Variants in BCKDHB observed in about 807,000 individuals in gnomAD.
BCKDHB encodes the protein 2-oxoisovalerate dehydrogenase subunit beta, mitochondrial.
BCKDHB carries 41 observed loss-of-function variants against 48.5 expected under a neutral mutation model. That is an observed-to-expected ratio of 0.85 (90% CI 0.66 to 1.10). The LOEUF is 1.10. BCKDHB is among the 50% of genes least tolerant of loss of function. BCKDHB has a pLI of 0.00. For missense variants in BCKDHB, 496 were observed against 494.2 expected, an observed-to-expected ratio of 1.00 and a Z score of -0.03; for synonymous variants, 201 against 174.8, an observed-to-expected ratio of 1.15 and a Z score of -1.18.
At chr6:80,403,267 C>A in the BCKDHB span, among the ~76,000 whole-genome samples, 1 of 151,670 alleles carries the variant, frequency 6.6e-6, no homozygotes, top group African/African-American at 2.4e-5. Flanking sequence ...TGTTTAATTT[C>A]TTTCATCAGT....
At chr6:80,235,488 C>G (rs1776111802) in intron 8 of BCKDHB, among the ~76,000 whole-genome samples, 1 of 152,056 alleles carries the variant, frequency 6.6e-6, no homozygotes, top group Admixed American at 6.6e-5. Flanking sequence ...AACATAGAAG[C>G]CAGCTCCCAG....
chr6:80,313,742 G>T (rs1382021301), intron 9 of BCKDHB, among the ~76,000 whole-genome samples: 7 of 152,108 alleles, frequency 4.6e-5, no homozygotes, highest in Non-Finnish European at 7.4e-5. Context: ...AGGGTTTTTT[G>T]TGTTGCTGCG....
the BCKDHB span, among the ~76,000 whole-genome samples, chr6:80,452,221 G>A: frequency 8.9e-4 from 135 of 152,288 alleles, no homozygotes; most frequent in Non-Finnish European, 9.4e-4. Flanking sequence ...ATAGTGTGTC[G>A]TAGGACCAAG....
At chr6:80,311,312 G>A (rs1395473755) in intron 9 of BCKDHB, among the ~76,000 whole-genome samples, 2 of 152,074 alleles carry the variant, frequency 1.3e-5, no homozygotes, top group African/African-American at 2.4e-5. Context: ...GCCCAGTCTC[G>A]GGTATGCCTT....
At chr6:80,302,275 T>C (rs1241178004) in intron 9 of BCKDHB, among the ~76,000 whole-genome samples, 1 of 152,184 alleles carries the variant, frequency 6.6e-6, no homozygotes, top group African/African-American at 2.4e-5. Flanking sequence ...AAAAGGCTAC[T>C]AGAACTGATA....
intron 6 of BCKDHB, among the ~76,000 whole-genome samples, chr6:80,195,602 C>A (rs963375239): frequency 1.3e-5 from 2 of 152,108 alleles, no homozygotes; most frequent in African/African-American, 4.8e-5. Flanking sequence ...TGAATTACTT[C>A]AAATTGTGAT....
intron 1 of BCKDHB, among the ~76,000 whole-genome samples, chr6:80,112,988 A>G (rs996400824): frequency 1.3e-5 from 2 of 152,192 alleles, no homozygotes; most frequent in African/African-American, 4.8e-5. Context: ...AATGATAGGA[A>G]CCGGAGGTGG....
At chr6:80,163,525 T>C (rs975964556) in intron 3 of BCKDHB, among the ~76,000 whole-genome samples, 53 of 152,172 alleles carry the variant, frequency 3.5e-4, no homozygotes, top group African/African-American at 1.3e-3. Context: ...CTTGGCTGAT[T>C]TATGTCTCAC....
At chr6:80,391,384 C>T in the BCKDHB span, among the ~76,000 whole-genome samples, 2 of 152,018 alleles carry the variant, frequency 1.3e-5, no homozygotes, top group African/African-American at 4.8e-5. Context: ...GAGACAAACC[C>T]TAAATGCAGT....
At chr6:80,411,676 C>T in the BCKDHB span, among the ~76,000 whole-genome samples, 1 of 152,224 alleles carries the variant, frequency 6.6e-6, no homozygotes, top group African/African-American at 2.4e-5. Flanking sequence ...AAATGGTGGA[C>T]GCCCCTCCCC....
chr6:80,278,243 G>A (rs960391650), intron 9 of BCKDHB, among the ~76,000 whole-genome samples: 3 of 152,134 alleles, frequency 2.0e-5, no homozygotes, highest in African/African-American at 7.2e-5. Flanking sequence ...ATCAGGAGAA[G>A]TATACTTCTG....
chr6:80,430,091 T>A, the BCKDHB span, among the ~76,000 whole-genome samples: 2 of 152,256 alleles, frequency 1.3e-5, no homozygotes, highest in Non-Finnish European at 2.9e-5. Flanking sequence ...TTGAATTTTG[T>A]CAAAGGCCTT....
chr6:80,440,360 C>T, the BCKDHB span, among the ~76,000 whole-genome samples: 6 of 152,112 alleles, frequency 3.9e-5, no homozygotes, highest in South Asian at 2.1e-4. Flanking sequence ...CTTCCTTAAG[C>T]ACAGTCATAA....
At chr6:80,199,760 A>T (rs1277741295) in intron 6 of BCKDHB, among the ~76,000 whole-genome samples, 1 of 109,536 alleles carries the variant, frequency 9.1e-6, no homozygotes, top group African/African-American at 3.6e-5. Flanking sequence ...CGACAGAGTG[A>T]GACTCTGTCT....
intron 8 of BCKDHB, among the ~76,000 whole-genome samples, chr6:80,229,696 A>G (rs1017167459): frequency 6.6e-6 from 1 of 152,162 alleles, no homozygotes; most frequent in Admixed American, 6.5e-5. Context: ...ACTTTCACTA[A>G]ATAATTTAGA....
At chr6:80,348,321 G>A (rs1770297998), downstream of BCKDHB, among the ~76,000 whole-genome samples, 1 of 152,120 alleles carries the variant, frequency 6.6e-6, no homozygotes, top group African/African-American at 2.4e-5. Context: ...CCACTTAGAA[G>A]GTCCACATTT....
At chr6:80,233,998 C>G (rs1041002517) in intron 8 of BCKDHB, among the ~76,000 whole-genome samples, 1 of 151,998 alleles carries the variant, frequency 6.6e-6, no homozygotes, top group African/African-American at 2.4e-5. Context: ...TACCTCAGAT[C>G]ACCAGGCATT....
At chr6:80,206,275 TTTACTC>T (rs2127832503) in intron 8 of BCKDHB, among the ~76,000 whole-genome samples, 1 of 135,336 alleles carries the variant, frequency 7.4e-6, no homozygotes, top group South Asian at 2.8e-4. Flanking sequence ...ATTATGTACT[TTTACTC>T]TATCTGCGCA....
intron 9 of BCKDHB, among the ~76,000 whole-genome samples, chr6:80,308,186 T>G (rs899271621): frequency 2.6e-5 from 4 of 152,180 alleles, no homozygotes; most frequent in Non-Finnish European, 5.9e-5. Context: ...TTTATTTGTA[T>G]TATTTTTACA....
Sources: allele counts gnomAD v4.1 joint callset (sites outside exome capture counted in the v4.1 genomes callset), GRCh38; gene constraint gnomAD v4.1.1; transcripts MANE v1.5; gene names NCBI Gene and HGNC (gene_info 2026-07-23, HGNC 2026-07-21).